SOS2: variants seen among roughly 807,000 people sequenced by gnomAD.
SOS2 encodes SOS Ras/Rho guanine nucleotide exchange factor 2.
A neutral mutation model predicts 148.2 loss-of-function variants in SOS2; 65 were observed. The observed-to-expected ratio is 0.44, with a 90% CI of 0.36 to 0.54. The LOEUF is 0.54. SOS2 is among the 20% of genes least tolerant of loss of function. The pLI, the probability that SOS2 is intolerant of heterozygous loss-of-function variation, is 0.00. For missense variants in SOS2, 1,341 were observed against 1,590.2 expected (o/e 0.84, Z 2.67); for synonymous variants, 539 against 537.1 (o/e 1.00, Z -0.05).
chr14:50,159,189 C>T (rs1324372687), intron 10 of SOS2, among the ~76,000 whole-genome samples: 2 of 137,416 alleles, frequency 1.5e-5, no homozygotes, highest in Non-Finnish European at 3.2e-5. Flanking sequence ...GACTCTGTCT[C>T]AAAAAAAAAA....
chr14:50,126,785 G>GC (rs1351823790), intron 21 of SOS2, among the ~76,000 whole-genome samples: 2 of 151,740 alleles, frequency 1.3e-5, no homozygotes, highest in South Asian at 2.1e-4. Context: ...AGAAAAAGGA[G>GC]CTCCACAAAA....
At position 50,118,548 on chromosome 14, in the gene SOS2, T is replaced by G. The variant is rs750564321; in HGVS notation, c.3795A>C (p.Thr1265=). 6.2e-7 allele frequency: 1 copy of G among 1,614,006 alleles called. No homozygotes were observed. The highest frequency in any genetic ancestry group is 8.5e-7 in the Non-Finnish European group (1 of 1,179,982). Residue 1265 remains threonine (T), a synonymous_variant, in exon 23 of 23, where the codon ACA becomes ACC. Coordinates refer to ENST00000216373, the MANE Select transcript of SOS2 (RefSeq NM_006939.4). The part of the protein sequence containing the change: ...CPNSPSTPPS[T]PSPRVPRRCY... Reference sequence around the variant, plus strand: ...ATCGACGCGGTACCCTTGGAGAGGGTGTGCTAGGAGGAGTGCTTGGCGAAT... The same window carrying G: ...ATCGACGCGGTACCCTTGGAGAGGGGGTGCTAGGAGGAGTGCTTGGCGAAT...
At chr14:50,189,473 T>G (rs1886049822) in intron 4 of SOS2, among the ~76,000 whole-genome samples, 1 of 152,060 alleles carries the variant, frequency 6.6e-6, no homozygotes, top group Admixed American at 6.6e-5. Flanking sequence ...ATGTAGCTGA[T>G]AAGAAGAATT....
chr14:50,160,154 C>T, intron 9 of SOS2, 68 bp from the exon 10 acceptor site: 2 of 1,230,194 alleles, frequency 1.6e-6, no homozygotes, highest in South Asian at 1.4e-5. Context: ...CATAAACCAT[C>T]TCAAATCAAG....
At chr14:50,168,010 T>C (rs576026431) in intron 8 of SOS2, among the ~76,000 whole-genome samples, 1 of 152,254 alleles carries the variant, frequency 6.6e-6, no homozygotes, top group African/African-American at 2.4e-5. Context: ...CTGGTTGATC[T>C]TCCTCAATGA....
At chr14:50,151,138 C>T (rs1884649687) in intron 13 of SOS2, among the ~76,000 whole-genome samples, 1 of 152,216 alleles carries the variant, frequency 6.6e-6, no homozygotes, top group South Asian at 2.1e-4. Flanking sequence ...GGATTACAGG[C>T]ATGAGCCACT....
At chr14:50,225,582 C>T (rs1049246260) in intron 1 of SOS2, among the ~76,000 whole-genome samples, 1 of 152,140 alleles carries the variant, frequency 6.6e-6, no homozygotes, top group South Asian at 2.1e-4. Context: ...ACATTCCTAC[C>T]GCTCATCTAG....
At position 50,158,654 on chromosome 14, in the gene SOS2, G is replaced by C; in HGVS notation, c.1853-8C>G. The stretch of plus-strand genomic sequence containing the variant: ...TACGAACAAAATTGGGATCTGAAAA[G>C]GCAGAGCATAAAATAGGTTTCATGT... On this transcript the variant is annotated splice_polypyrimidine_tract_variant and splice_region_variant and intron_variant, in intron 10 of 22. Transcript: ENST00000216373. The C allele has an allele frequency of 6.4e-7, 1 of 1,573,716 alleles. No homozygotes were observed.
In SOS2 at chr14:50,216,024, A is replaced by G. The variant is rs185586799; in HGVS notation, c.88-11615T>C. Among the ~76,000 whole-genome samples the G allele has an allele frequency of 2.0e-3, 307 of 152,258 alleles. 1 individual carries two copies. Among genetic ancestry groups the G allele is most frequent in the Middle Eastern group, 0.017 (5 of 294 alleles). The stretch of plus-strand genomic sequence containing the variant: ...TCTTCATTGTGCTGCCAAGATTTCC[A>G]CAAGGATGCAAATATCTCAAACATC... On this transcript the variant is annotated intron_variant, in intron 1 of 22. Coordinates refer to ENST00000216373, the MANE Select transcript of SOS2 (RefSeq NM_006939.4).
At chr14:50,166,178 T>C (rs1368145764) in intron 8 of SOS2, among the ~76,000 whole-genome samples, 1 of 152,210 alleles carries the variant, frequency 6.6e-6, no homozygotes, top group Non-Finnish European at 1.5e-5. Context: ...CCTTGCTACA[T>C]ATGCTTAAAA....
At chr14:50,213,672 C>T (rs1385429981) in intron 1 of SOS2, among the ~76,000 whole-genome samples, 4 of 150,574 alleles carry the variant, frequency 2.7e-5, no homozygotes, top group Non-Finnish European at 3.0e-5. Context: ...CCCTGTCCCC[C>T]CCACCCCAAA....
chr14:50,177,838 C>T (rs571682076), intron 7 of SOS2, among the ~76,000 whole-genome samples: 1 of 151,898 alleles, frequency 6.6e-6, no homozygotes, highest in African/African-American at 2.4e-5. Flanking sequence ...ATTTGAAGTG[C>T]GTTTAGGGTA....
At chr14:50,139,829 TA>T (rs1193034826) in intron 17 of SOS2, 112 bp downstream of exon 17, 13 of 545,890 alleles carry the variant, frequency 2.4e-5, no homozygotes, top group Non-Finnish European at 4.3e-5. Context: ...TACAGAGAGC[TA>T]ATAAAAGTAG....
At position 50,130,565 on chromosome 14, in the gene SOS2, A is replaced by G; in HGVS notation, c.3273T>C (p.Thr1091=). The change falls in exon 20 of 23, where the codon ACT becomes ACC. Residue 1091 remains threonine (T), a synonymous_variant. Coordinates refer to ENST00000216373, the MANE Select transcript of SOS2 (RefSeq NM_006939.4). ...SAPTSPNTPS[T]PPVSASSDLS... ...GGTCTGAAGAAGCAGATACTGGTGG[A>G]GTAGATGGTGTATTTGGAGAGGTTG... 6.2e-7 allele frequency: 1 copy of G among 1,613,886 alleles called. No individual in the cohort carries two copies. The highest frequency in any genetic ancestry group is 8.5e-7 in the Non-Finnish European group (1 of 1,179,786).
intron 16 of SOS2, among the ~76,000 whole-genome samples, chr14:50,142,958 TA>T (rs1272945230): frequency 1.3e-5 from 2 of 152,064 alleles, no homozygotes; most frequent in Non-Finnish European, 2.9e-5. Context: ...ATCCTTTACT[TA>T]AAAAAAGTCT....
At chr14:50,150,318 T>G in intron 13 of SOS2, 88 bp from the exon 14 acceptor site, 1 of 931,016 alleles carries the variant, frequency 1.1e-6, no homozygotes, top group South Asian at 1.5e-5. Context: ...TCACCCAGCC[T>G]CAACAGTTAC....
At chr14:50,218,220 A>G (rs1887093761) in intron 1 of SOS2, among the ~76,000 whole-genome samples, 1 of 2,620 alleles carries the variant, frequency 3.8e-4, no homozygotes. Context: ...GATAAAAGGA[A>G]AAAAAAAAAA....
intron 8 of SOS2, among the ~76,000 whole-genome samples, chr14:50,171,054 C>CA (rs1230302664): frequency 2.7e-5 from 4 of 150,272 alleles, no homozygotes; most frequent in African/African-American, 9.8e-5. Flanking sequence ...GCGGAGGTTG[C>CA]AGTGAGCCAA....
At chr14:50,215,700 A>G (rs1887022529) in intron 1 of SOS2, among the ~76,000 whole-genome samples, 2 of 151,648 alleles carry the variant, frequency 1.3e-5, no homozygotes, top group African/African-American at 2.4e-5. Flanking sequence ...CAATGTGCAC[A>G]TGTACCCTAA....
Sources: gnomAD v4.1 joint callset for allele counts (sites outside exome capture counted in the v4.1 genomes callset) on GRCh38, gnomAD v4.1.1 for gene constraint, MANE v1.5 for transcripts, NCBI Gene and HGNC (gene_info 2026-07-23, HGNC 2026-07-21) for gene names.